Variants in ADAM29 observed in about 807,000 individuals in gnomAD.
The protein encoded by ADAM29 is disintegrin and metalloproteinase domain-containing protein 29.
For synonymous variants in ADAM29, 367 were observed against 342.3 expected (o/e 1.07, Z -0.80); for missense variants, 969 against 1,001.8 (o/e 0.97, Z 0.44).
At chr4:174,932,778 G>A (rs1743972017) in intron 3 of ADAM29, among the ~76,000 whole-genome samples, 1 of 152,120 alleles carries the variant, frequency 6.6e-6, no homozygotes, top group African/African-American at 2.4e-5. Flanking sequence ...GAAACCAAAG[G>A]GCTAGACACT....
chr4:174,929,688 G>A (rs1262175871), intron 2 of ADAM29, among the ~76,000 whole-genome samples: 2 of 151,344 alleles, frequency 1.3e-5, no homozygotes, highest in Non-Finnish European at 2.9e-5. Flanking sequence ...CCTCATTTTT[G>A]TATAGGATTT....
At chr4:174,938,830 G>C (rs538551478) in intron 4 of ADAM29, among the ~76,000 whole-genome samples, 1 of 152,244 alleles carries the variant, frequency 6.6e-6, no homozygotes, top group Non-Finnish European at 1.5e-5. Flanking sequence ...CCAAAATCCA[G>C]GTGTCGGCAG....
chr4:174,944,441 T>A (rs1260017572), intron 4 of ADAM29, among the ~76,000 whole-genome samples: 1 of 152,192 alleles, frequency 6.6e-6, no homozygotes, highest in Admixed American at 6.5e-5. Context: ...TGGAATATTA[T>A]ATTTTTCTCT....
chr4:174,941,675 C>G (rs1350411811), intron 4 of ADAM29, among the ~76,000 whole-genome samples: 1 of 152,088 alleles, frequency 6.6e-6, no homozygotes, highest in Non-Finnish European at 1.5e-5. Context: ...ATGAGGATTG[C>G]AATTTGAGAT....
intron 4 of ADAM29, among the ~76,000 whole-genome samples, chr4:174,943,473 G>A (rs533852398): frequency 2.6e-5 from 4 of 152,270 alleles, no homozygotes; most frequent in African/African-American, 9.6e-5. Flanking sequence ...AACTATGGTG[G>A]AAGGCAAAGG....
At chr4:174,943,542 G>A (rs544253541) in intron 4 of ADAM29, among the ~76,000 whole-genome samples, 21 of 152,186 alleles carry the variant, frequency 1.4e-4, no homozygotes, top group African/African-American at 4.6e-4. Context: ...GAGGATCATC[G>A]CTTTCCATCA....
chr4:174,929,834 G>A (rs1560861629), intron 2 of ADAM29, among the ~76,000 whole-genome samples: 1 of 150,028 alleles, frequency 6.7e-6, no homozygotes, highest in Non-Finnish European at 1.5e-5. Flanking sequence ...TCAGCTCACT[G>A]CAATCTCTGT....
At chr4:174,936,566 A>T (rs910866640) in intron 3 of ADAM29, among the ~76,000 whole-genome samples, 1 of 152,014 alleles carries the variant, frequency 6.6e-6, no homozygotes, top group Non-Finnish European at 1.5e-5. Flanking sequence ...TTTTATTGAT[A>T]AAACATTGCA....
rs775869288 is a variant in ADAM29, at chr4:174,977,157, T to C, written c.1632T>C (p.Cys544=). ...CGIKNATYIK[C]NISDVQCGRI... ...TCAAAAATGCTACATATATAAAGTG[T>C]AATATCTCAGATGTCCAGTGTGGAA... Residue 544 remains cysteine, a synonymous_variant, in exon 5 of 5, where the codon TGT becomes TGC. Transcript: ENST00000359240. 16 of 1,614,012 alleles carry C rather than the reference T, an allele frequency of 9.9e-6. No homozygotes were observed. The Admixed American group carries it at 1.2e-4, about 12-fold the overall frequency.
At chr4:174,923,514 G>A (rs1355900634) in intron 2 of ADAM29, among the ~76,000 whole-genome samples, 1 of 78,736 alleles carries the variant, frequency 1.3e-5, no homozygotes, top group Non-Finnish European at 2.5e-5. Context: ...CCTATATACT[G>A]TGCATTATAT....
Position 174,977,447 on chromosome 4 carries a change from A to T in ADAM29, c.1922A>T (p.His641Leu), listed in dbSNP as rs761836998. The change falls in exon 5 of 5, where the codon CAC becomes CTC. Residue 641 changes from histidine to leucine, a missense_variant. Coordinates refer to ENST00000359240, the MANE Select transcript of ADAM29 (RefSeq NM_014269.4). ...AGGGGCATCTGCAACAATAAACATC[A>T]CTGCCATTGCAATTATCTGTGGGAC... ...NKRGICNNKH[H>L]CHCNYLWDPP... 2.0e-5 allele frequency: 32 copies of T among 1,613,730 alleles called. No individual in the cohort carries two copies. Among genetic ancestry groups the T allele is most frequent in the Admixed American group, 1.3e-4 (8 of 59,988 alleles).
intron 4 of ADAM29, among the ~76,000 whole-genome samples, chr4:174,950,350 C>T (rs1315408734): frequency 6.6e-6 from 1 of 152,196 alleles, no homozygotes; most frequent in Admixed American, 6.5e-5. Context: ...ATCTTTTCAT[C>T]TCCCTGGCAA....
intron 2 of ADAM29, among the ~76,000 whole-genome samples, chr4:174,922,489 C>A (rs1181318351): frequency 1.3e-5 from 2 of 152,098 alleles, no homozygotes; most frequent in Non-Finnish European, 2.9e-5. Flanking sequence ...TTCTTCTGAA[C>A]TGCTGAAGCT....
rs746651338 is a variant in ADAM29, at chr4:174,975,494, C to T, written c.-32C>T. 2 of 1,495,444 alleles carry T rather than the reference C, an allele frequency of 1.3e-6. No homozygotes were observed. Among genetic ancestry groups the T allele is most frequent in the Non-Finnish European group, 8.9e-7 (1 of 1,122,604 alleles). The allele number at this position is 1,495,444 out of a possible 1,614,324, so 92.6% of individuals were successfully genotyped here. On this transcript the variant is annotated 5_prime_UTR_variant, in exon 5 of 5. Coordinates refer to ENST00000359240, the MANE Select transcript of ADAM29 (RefSeq NM_014269.4). ...ACCAGTGTTTCCATAACAGGGACTT[C>T]AAAATCACTGTGATTTGAAGCCTTT...
intron 4 of ADAM29, among the ~76,000 whole-genome samples, chr4:174,953,641 C>T (rs1745317089): frequency 6.6e-6 from 1 of 152,152 alleles, no homozygotes; most frequent in African/African-American, 2.4e-5. Flanking sequence ...TTAAAACCCA[C>T]AATACAAACA....
intron 4 of ADAM29, among the ~76,000 whole-genome samples, chr4:174,970,266 G>A (rs535910491): frequency 5.3e-5 from 8 of 152,222 alleles, no homozygotes; most frequent in Admixed American, 2.0e-4. Context: ...ATGGTAAAGT[G>A]AATTAAGGTT....
intron 3 of ADAM29, among the ~76,000 whole-genome samples, chr4:174,933,091 T>C (rs1743995252): frequency 6.6e-6 from 1 of 152,158 alleles, no homozygotes; most frequent in Admixed American, 6.5e-5. Context: ...TTTGTAATTG[T>C]GATTAGAAGA....
At chr4:174,929,150 C>A (rs1031263810) in intron 2 of ADAM29, among the ~76,000 whole-genome samples, 1 of 152,098 alleles carries the variant, frequency 6.6e-6, no homozygotes. Context: ...ATATCCTCTC[C>A]TCTTTGTTTT....
At chr4:174,956,684 C>T (rs1308568680) in intron 4 of ADAM29, among the ~76,000 whole-genome samples, 1 of 151,874 alleles carries the variant, frequency 6.6e-6, no homozygotes, top group East Asian at 1.9e-4. Flanking sequence ...TTGTACTAAG[C>T]ATGCTTCATG....
Sources: allele counts gnomAD v4.1 joint callset (sites outside exome capture counted in the v4.1 genomes callset), GRCh38; gene constraint gnomAD v4.1.1; transcripts MANE v1.5; gene names NCBI Gene and HGNC (gene_info 2026-07-23, HGNC 2026-07-21).